Variants in MYH7B observed in about 807,000 individuals in gnomAD.
MYH7B encodes the protein myosin heavy chain 7B.
MYH7B carries 205 observed loss-of-function variants against 234.5 expected under a neutral mutation model. The observed-to-expected ratio is 0.87, with a 90% CI of 0.78 to 0.98. The LOEUF is 0.98. Ranked by LOEUF, MYH7B falls within the 50% of genes least tolerant of loss-of-function variation. The pLI is 0.00. For missense variants in MYH7B, 2,652 were observed against 2,633.4 expected, an observed-to-expected ratio of 1.01 and a Z score of -0.15; for synonymous variants, 1,193 against 1,105.0, an observed-to-expected ratio of 1.08 and a Z score of -1.58.
At chr20:34,977,738 G>GGGGGGGGGGGGGGGGGGGGGCCCC in intron 4 of MYH7B, 58 bp downstream of exon 4, 2 of 317,150 alleles carry the variant, frequency 6.3e-6, no homozygotes, top group South Asian at 2.1e-5. Context: ...GGGCGGGTGG[G>GGGGGGGGGGGGGGGGGGGGGCCCC]TGAGGGTGCC....
chr20:34,979,767 A>C (rs2081913016), exon 7 of MYH7B: 1 of 1,614,094 alleles, frequency 6.2e-7, no homozygotes, highest in Non-Finnish European at 8.5e-7. Context: ...TCTGTGCTGC[A>C]CAACCTGCGC....
chr20:34,956,930 C>T (rs2081642786), intron 1 of MYH7B, among the ~76,000 whole-genome samples: 1 of 152,198 alleles, frequency 6.6e-6, no homozygotes, highest in South Asian at 2.1e-4. Context: ...TGGCCCGTGC[C>T]TGTAATCCCA....
chr20:34,961,085 C>A (rs2081693183), intron 2 of MYH7B, among the ~76,000 whole-genome samples: 1 of 152,174 alleles, frequency 6.6e-6, no homozygotes, highest in East Asian at 1.9e-4. Flanking sequence ...AGACCTTCTA[C>A]TAACAGGTTC....
rs770737383 is a variant in MYH7B at position 35,000,894 on chromosome 20, G to T, written c.5304+1G>T. The T allele has an allele frequency of 6.2e-7, 1 of 1,604,074 alleles. No homozygotes were observed. The highest frequency in any genetic ancestry group is 8.5e-7 in the Non-Finnish European group (1 of 1,175,578). On this transcript the variant is annotated splice_donor_variant, in intron 40 of 44. Transcript: ENST00000262873. LOFTEE classifies it high-confidence loss of function. ...GAAGGCCAAAAAGGCCATCACTGAT[G>T]TGAGGCTGGGCAAGGGCTGTGGGGA... is the stretch of plus-strand genomic sequence containing the variant.
At chr20:34,975,430 G>C in exon 3 of MYH7B, 1 of 674,520 alleles carries the variant, frequency 1.5e-6, no homozygotes, top group Non-Finnish European at 2.7e-6. Flanking sequence ...GCCCAGGCTG[G>C]TCTTGAACTC....
In MYH7B at chr20:34,987,060, C is replaced by T. The variant is rs537857820; in HGVS notation, c.1008+71C>T. On this transcript the variant is annotated intron_variant, in intron 15 of 44. Transcript: ENST00000262873. ...AATCGGGCAGCACTGCCGGTGCCCC[C>T]AGCTGCATGAATGGTCCCGGGGCAG... The T allele has an allele frequency of 1.4e-5, 22 of 1,607,934 alleles. No individual in the cohort carries two copies. In the East Asian group the frequency reaches 4.2e-4, roughly 31 times the overall value.
chr20:34,999,030 A>G (rs752511928), intron 35 of MYH7B, 26 bp from the exon 36 acceptor site: 234 of 1,596,552 alleles, frequency 1.5e-4, no homozygotes, highest in Non-Finnish European at 1.9e-4. Flanking sequence ...TCCATGGTCC[A>G]CACCTTGTCT....
At chr20:34,967,690 G>A (rs1190922210) in intron 2 of MYH7B, among the ~76,000 whole-genome samples, 1 of 152,172 alleles carries the variant, frequency 6.6e-6, no homozygotes, top group African/African-American at 2.4e-5. Context: ...CTGTGCCTGT[G>A]TGTCCCCCAG....
intron 2 of MYH7B, among the ~76,000 whole-genome samples, chr20:34,966,821 G>C (rs1600406880): frequency 6.6e-6 from 1 of 152,198 alleles, no homozygotes; most frequent in East Asian, 1.9e-4. Flanking sequence ...AGCTACTTGG[G>C]AGGCTGAGGC....
chr20:34,972,022 C>T (rs1321038178), intron 2 of MYH7B, among the ~76,000 whole-genome samples: 3 of 152,130 alleles, frequency 2.0e-5, no homozygotes, highest in Admixed American at 1.3e-4. Flanking sequence ...CATTTCCTGT[C>T]CCCTCTTGCC....
At chr20:34,997,385 C>G in exon 32 of MYH7B, 1 of 1,510,256 alleles carries the variant, frequency 6.6e-7, no homozygotes, top group African/African-American at 1.4e-5. Flanking sequence ...GCGGCGCATC[C>G]GCGGGGCAGC....
intron 23 of MYH7B, 84 bp from the exon 24 acceptor site, chr20:34,990,920 C>T: frequency 1.9e-6 from 3 of 1,557,278 alleles, no homozygotes; most frequent in Non-Finnish European, 2.7e-6. Context: ...TCCCCCTCAC[C>T]TCGCAGGGTC....
chr20:34,993,575 C>T (rs1275989995), intron 26 of MYH7B, 105 bp downstream of exon 26: 20 of 1,299,596 alleles, frequency 1.5e-5, no homozygotes, highest in Admixed American at 5.8e-5. Flanking sequence ...GTCAGATCAG[C>T]CCCTGTGGCT....
At chr20:34,971,579 G>A (rs1330291043) in intron 2 of MYH7B, among the ~76,000 whole-genome samples, 1 of 152,144 alleles carries the variant, frequency 6.6e-6, no homozygotes, top group Non-Finnish European at 1.5e-5. Flanking sequence ...GGACAAGCAG[G>A]GGCCCAACCA....
exon 39 of MYH7B, chr20:35,000,472 A>C (rs371566229): frequency 6.2e-7 from 1 of 1,601,904 alleles, no homozygotes; most frequent in Non-Finnish European, 8.5e-7. Flanking sequence ...CGGCTGATGC[A>C]GGCACAGCTC....
In MYH7B at chr20:34,990,128, T is replaced by C. The variant is rs759329721; in HGVS notation, c.1882T>C (p.Tyr628His). 8 of 1,614,130 alleles carry C rather than the reference T, an allele frequency of 5.0e-6. No homozygotes were observed. In the Admixed American group the frequency reaches 1.3e-4, roughly 27 times the overall value. ...GCTCCTGGCGACTCTCTATGAGAAT[T>C]ATGCGGGCTCCTGCTCCAGTGAGTA... The change falls in exon 21 of 45, where the codon TAT becomes CAT. Residue 628 changes from tyrosine to histidine, a missense_variant. Tyr to His is a moderately conservative substitution (Grantham distance 83). Transcript: ENST00000262873.
At chr20:34,991,465 G>C (rs2082149522) in intron 24 of MYH7B, among the ~76,000 whole-genome samples, 2 of 152,338 alleles carry the variant, frequency 1.3e-5, no homozygotes, top group African/African-American at 2.4e-5. Flanking sequence ...TACAAAAACA[G>C]GGTTTTTTGA....
At chr20:34,988,338 TTGCATGGAAGCCTGCAAGTG>T (rs1488422941) in intron 19 of MYH7B, 76 bp downstream of exon 19, 3 of 1,502,718 alleles carry the variant, frequency 2.0e-6, no homozygotes, top group Admixed American at 1.9e-5. Context: ...TGACCATGGC[TTGCATGGAAGCCTGCAAGTG>T]TGCATGGAAG....
intron 13 of MYH7B, 74 bp downstream of exon 13, chr20:34,985,203 C>A: frequency 6.9e-7 from 1 of 1,444,266 alleles, no homozygotes; most frequent in Non-Finnish European, 9.7e-7. Context: ...CCTCTGTCAT[C>A]ACGACTTCTG....
Sources: gnomAD v4.1 joint callset for allele counts (sites outside exome capture counted in the v4.1 genomes callset) on GRCh38, gnomAD v4.1.1 for gene constraint, MANE v1.5 for transcripts, NCBI Gene and HGNC (gene_info 2026-07-23, HGNC 2026-07-21) for gene names.